Variants in CADM2 observed in about 807,000 individuals in gnomAD.
CADM2 encodes immunoglobulin superfamily member 4D.
CADM2 carries 12 observed loss-of-function variants against 49.8 expected under a neutral mutation model. That is an observed-to-expected ratio of 0.24 (90% CI 0.15 to 0.39). The LOEUF is 0.39. CADM2 is among the 10% of genes least tolerant of loss of function. CADM2 has a pLI of 1.00. For missense variants in CADM2, 378 were observed against 492.3 expected, an observed-to-expected ratio of 0.77 and a Z score of 2.20; for synonymous variants, 214 against 175.4, an observed-to-expected ratio of 1.22 and a Z score of -1.74.
At chr3:85,784,562 C>A (rs1015219330) in intron 2 of CADM2, among the ~76,000 whole-genome samples, 5 of 150,478 alleles carry the variant, frequency 3.3e-5, no homozygotes, top group Admixed American at 1.3e-4. Flanking sequence ...ATCTATCTAT[C>A]TATCTATCTA....
chr3:85,307,927 C>T (rs1356367202), intron 1 of CADM2, among the ~76,000 whole-genome samples: 6 of 145,010 alleles, frequency 4.1e-5, no homozygotes, highest in African/African-American at 1.6e-4. Context: ...CAAAACTGTA[C>T]CCCCAGAAAA....
chr3:85,149,880 T>C (rs1173520159), intron 1 of CADM2, among the ~76,000 whole-genome samples: 3 of 152,238 alleles, frequency 2.0e-5, no homozygotes, highest in Non-Finnish European at 2.9e-5. Flanking sequence ...TTGTATCCAC[T>C]ATATCCTAGA....
intron 1 of CADM2, among the ~76,000 whole-genome samples, chr3:85,267,906 A>T (rs760345683): frequency 6.6e-6 from 1 of 151,704 alleles, no homozygotes; most frequent in Non-Finnish European, 1.5e-5. Flanking sequence ...GGTTCATTAC[A>T]TTCGTTCATT....
intron 1 of CADM2, among the ~76,000 whole-genome samples, chr3:85,195,881 A>G (rs2041332802): frequency 6.6e-6 from 1 of 152,134 alleles, no homozygotes; most frequent in African/African-American, 2.4e-5. Context: ...GATATAATGA[A>G]ACAGTTGTCA....
chr3:85,377,600 TA>T, intron 1 of CADM2, among the ~76,000 whole-genome samples: 1 of 152,106 alleles, frequency 6.6e-6, no homozygotes, highest in East Asian at 1.9e-4. Context: ...ACATGAAATA[TA>T]ATACAGCTTA....
intron 1 of CADM2, among the ~76,000 whole-genome samples, chr3:85,098,214 T>G (rs1412395050): frequency 6.6e-6 from 1 of 151,156 alleles, no homozygotes; most frequent in Non-Finnish European, 1.5e-5. Flanking sequence ...ACGGACTGAA[T>G]TCCCAGATTC....
intron 8 of CADM2, among the ~76,000 whole-genome samples, chr3:85,991,905 T>C (rs1192340137): frequency 3.3e-5 from 5 of 152,070 alleles, no homozygotes; most frequent in Admixed American, 3.3e-4. Context: ...CTTATTTGAC[T>C]TAAAACAATC....
intron 1 of CADM2, among the ~76,000 whole-genome samples, chr3:85,039,283 C>T (rs1440369811): frequency 6.6e-6 from 1 of 152,096 alleles, no homozygotes; most frequent in African/African-American, 2.4e-5. Flanking sequence ...CCCAACCATA[C>T]CTGGCTGTAA....
At chr3:85,615,023 A>T (rs1328173108) in intron 1 of CADM2, among the ~76,000 whole-genome samples, 1 of 151,822 alleles carries the variant, frequency 6.6e-6, no homozygotes, top group Non-Finnish European at 1.5e-5. Flanking sequence ...TGCTTTACCC[A>T]CTCACTGTTG....
chr3:84,971,678 T>C (rs2031451835), intron 1 of CADM2, among the ~76,000 whole-genome samples: 1 of 152,142 alleles, frequency 6.6e-6, no homozygotes, highest in Non-Finnish European at 1.5e-5. Context: ...GAACATATTA[T>C]CCCTGAAAGA....
At chr3:85,157,577 C>T (rs963637682) in intron 1 of CADM2, among the ~76,000 whole-genome samples, 1 of 152,144 alleles carries the variant, frequency 6.6e-6, no homozygotes, top group East Asian at 1.9e-4. Flanking sequence ...CTGAGAAAAA[C>T]AAGCATTGAG....
intron 1 of CADM2, among the ~76,000 whole-genome samples, chr3:85,233,858 A>G (rs1446685012): frequency 6.6e-6 from 1 of 152,092 alleles, no homozygotes; most frequent in Non-Finnish European, 1.5e-5. Flanking sequence ...AATAGTTCAA[A>G]GTATTGATTC....
chr3:85,823,844 A>G (rs527926942), intron 3 of CADM2, among the ~76,000 whole-genome samples: 1 of 152,148 alleles, frequency 6.6e-6, no homozygotes, highest in Non-Finnish European at 1.5e-5. Context: ...AGATACAGGT[A>G]TGTAAGTATA....
At chr3:85,124,482 G>A (rs2107597887) in intron 1 of CADM2, among the ~76,000 whole-genome samples, 1 of 151,968 alleles carries the variant, frequency 6.6e-6, no homozygotes, top group Non-Finnish European at 1.5e-5. Flanking sequence ...GTGCATGCCT[G>A]TAGTCCCAGC....
intron 1 of CADM2, among the ~76,000 whole-genome samples, chr3:85,622,526 T>C (rs55686445): frequency 0.33 from 50,605 of 151,922 alleles, 9,101 homozygotes; most frequent in East Asian, 0.61. Context: ...CTCCTTTTCA[T>C]TCACTCTACA....
chr3:85,043,739 C>T (rs1480289358), intron 1 of CADM2, among the ~76,000 whole-genome samples: 1 of 151,946 alleles, frequency 6.6e-6, no homozygotes, highest in Non-Finnish European at 1.5e-5. Context: ...CTCCTTAAGT[C>T]CCCAATACTG....
intron 1 of CADM2, among the ~76,000 whole-genome samples, chr3:85,582,618 A>G (rs889684575): frequency 6.6e-6 from 1 of 152,098 alleles, no homozygotes; most frequent in Non-Finnish European, 1.5e-5. Context: ...TTCTTTTCTC[A>G]TGAGGGCACT....
chr3:85,141,225 T>G (rs7611119), intron 1 of CADM2, among the ~76,000 whole-genome samples: 15,894 of 152,196 alleles, frequency 0.1, 1,790 homozygotes, highest in African/African-American at 0.28. Context: ...TACCTGGGTT[T>G]AAATCTTAGT....
At chr3:85,851,846 G>C (rs1043354142) in intron 3 of CADM2, among the ~76,000 whole-genome samples, 1 of 151,920 alleles carries the variant, frequency 6.6e-6, no homozygotes, top group Non-Finnish European at 1.5e-5. Context: ...TTTTCATCTT[G>C]AACAACTTAG....
Sources: allele counts gnomAD v4.1 joint callset (sites outside exome capture counted in the v4.1 genomes callset), GRCh38; gene constraint gnomAD v4.1.1; transcripts MANE v1.5; gene names NCBI Gene and HGNC (gene_info 2026-07-23, HGNC 2026-07-21).